Variants in MCPH1 observed in about 807,000 individuals in gnomAD.
MCPH1 encodes microcephalin 1, also known as microcephalin.
In MCPH1, 104 loss-of-function variants were observed where a neutral mutation model predicts 84.5. That is an observed-to-expected ratio of 1.23 (90% CI 1.05 to 1.45). The LOEUF (loss-of-function observed/expected upper bound fraction) is 1.45. Among genes scored for constraint, MCPH1 ranks in the 40% most tolerant of loss-of-function variants. The probability of loss-of-function intolerance (pLI) is 0.00; values close to 1 mark genes in which losing one functional copy is unlikely to be tolerated. For synonymous variants in MCPH1, 514 were observed against 366.8 expected, an observed-to-expected ratio of 1.40 and a Z score of -4.58; for missense variants, 1,498 against 1,005.7, an observed-to-expected ratio of 1.49 and a Z score of -6.62.
chr8:6,579,071 T>G (rs559294920), intron 12 of MCPH1, among the ~76,000 whole-genome samples: 1 of 152,176 alleles, frequency 6.6e-6, no homozygotes, highest in Non-Finnish European at 1.5e-5. Flanking sequence ...TTCCCGATAT[T>G]GAGAACTGCA....
rs146365596 is a variant in MCPH1, at chr8:6,428,999, C to T, written c.234-2500C>T. ...CTTTCTGATAGGGAAGTGAGAATTT[C>T]GTTTTTAATCCGCCCCTCTGAGTGC... On this transcript the variant is annotated intron_variant, in intron 3 of 13. Coordinates refer to ENST00000344683, the MANE Select transcript of MCPH1 (RefSeq NM_024596.5). Among the ~76,000 whole-genome samples the T allele has an allele frequency of 6.4e-4, 97 of 152,282 alleles. 6 individuals are homozygous for T. The South Asian group carries it at 0.019, about 29-fold the overall frequency.
intron 6 of MCPH1, among the ~76,000 whole-genome samples, chr8:6,441,470 A>G (rs1803502119): frequency 6.6e-6 from 1 of 152,206 alleles, no homozygotes; most frequent in South Asian, 2.1e-4. Flanking sequence ...TATAAGATCC[A>G]AACATTTCTT....
chr8:6,609,427 C>T (rs184904515), intron 12 of MCPH1, among the ~76,000 whole-genome samples: 2 of 152,290 alleles, frequency 1.3e-5, no homozygotes, highest in African/African-American at 4.8e-5. Flanking sequence ...ATTCCCAAGA[C>T]GATTATGTTC....
chr8:6,480,851 G>C lies in MCPH1; in HGVS notation c.2111G>C (p.Gly704Ala). 1 of 1,614,154 alleles carries C rather than the reference G, an allele frequency of 6.2e-7. No individual in the cohort carries two copies. Among genetic ancestry groups the C allele is most frequent in the Non-Finnish European group, 8.5e-7 (1 of 1,180,044 alleles). ...AATGTGCTGCTGGGAATTGCGCGTGGCTGCTGGGTTCTCTCTTATGATTGG... is the reference window on the plus strand; with the variant it reads ...AATGTGCTGCTGGGAATTGCGCGTGCCTGCTGGGTTCTCTCTTATGATTGG... The part of the protein sequence containing the change: ...TLNVLLGIAR[G>A]CWVLSYDWVL... The change falls in exon 11 of 14, where the codon GGC (glycine) becomes GCC (alanine). Residue 704 changes from glycine to alanine, a missense_variant. By Grantham distance (60) the Gly-to-Ala change is moderately conservative. Coordinates refer to ENST00000344683, the MANE Select transcript of MCPH1 (RefSeq NM_024596.5).
Position 6,440,948 on chromosome 8 carries a change from C to G in MCPH1, c.581-1119C>G, listed in dbSNP as rs1585781686. Among the ~76,000 whole-genome samples, 8 of 152,312 alleles carry G rather than the reference C, an allele frequency of 5.3e-5. No homozygotes were observed. In the East Asian group the frequency reaches 1.5e-3, roughly 29 times the overall value. ...GCCATTCCATGGTGTCTTTAAGAAA[C>G]TAGGTTCCCATCTTTCTGTTGTACC... On this transcript the variant is annotated intron_variant, in intron 6 of 13. Transcript: ENST00000344683.
chr8:6,572,174 G>A (rs558677999), intron 12 of MCPH1, among the ~76,000 whole-genome samples: 28 of 64,276 alleles, frequency 4.4e-4, no homozygotes, highest in Non-Finnish European at 8.1e-4. Flanking sequence ...TCTTGACATC[G>A]GTTTCCCTCA....
chr8:6,621,302 G>T, intron 12 of MCPH1, 152 bp from the exon 13 acceptor site: 1 of 962,416 alleles, frequency 1.0e-6, no homozygotes. Context: ...CATCTTCTCT[G>T]GATTCTCAGA....
intron 12 of MCPH1, among the ~76,000 whole-genome samples, chr8:6,615,358 T>C (rs1280283020): frequency 3.3e-5 from 5 of 152,222 alleles, no homozygotes; most frequent in Non-Finnish European, 4.4e-5. Context: ...GCAAAGACCA[T>C]GTCCCTGCAT....
intron 12 of MCPH1, among the ~76,000 whole-genome samples, chr8:6,534,246 T>C (rs2922881): frequency 0.7 from 105,966 of 151,986 alleles, 37,110 homozygotes; most frequent in Non-Finnish European, 0.72. Context: ...ACAAAAATTG[T>C]AAAACAATAC....
At chr8:6,620,295 C>G (rs577365564) in intron 12 of MCPH1, 21 of 152,290 alleles carry the variant, frequency 1.4e-4, no homozygotes, top group African/African-American at 5.1e-4. Context: ...CGGATCTACT[C>G]CATTGATGCT....
chr8:6,614,874 C>G (rs1388206171), intron 12 of MCPH1, among the ~76,000 whole-genome samples: 4 of 152,118 alleles, frequency 2.6e-5, no homozygotes, highest in Non-Finnish European at 5.9e-5. Flanking sequence ...CCTCCCTTCC[C>G]CAACCCCATA....
At chr8:6,535,388 C>T (rs564901043) in intron 12 of MCPH1, among the ~76,000 whole-genome samples, 1 of 152,078 alleles carries the variant, frequency 6.6e-6, no homozygotes, top group African/African-American at 2.4e-5. Flanking sequence ...AATAAAATTT[C>T]TTAACCTGCC....
At chr8:6,575,627 T>G (rs1371469910) in intron 12 of MCPH1, among the ~76,000 whole-genome samples, 1 of 152,238 alleles carries the variant, frequency 6.6e-6, no homozygotes, top group African/African-American at 2.4e-5. Context: ...AAAATTCATG[T>G]TGAAGTCCTA....
chr8:6,542,004 T>C (rs1278825856), intron 12 of MCPH1, among the ~76,000 whole-genome samples: 1 of 126,524 alleles, frequency 7.9e-6, no homozygotes, highest in East Asian at 2.3e-4. Flanking sequence ...TGAGACTCAA[T>C]CTCAAAAAAA....
chr8:6,500,374 T>G (rs1811917996), intron 12 of MCPH1: 1 of 160,574 alleles, frequency 6.2e-6, no homozygotes, highest in South Asian at 1.8e-4. Context: ...ATTGAAAAGT[T>G]CTGGGTTCTA....
chr8:6,473,320 C>CTTTTTTT (rs56077837), intron 9 of MCPH1, among the ~76,000 whole-genome samples: 3 of 76,396 alleles, frequency 3.9e-5, no homozygotes, highest in Admixed American at 2.3e-4. Flanking sequence ...TCTCTCAATC[C>CTTTTTTT]TTTTTTTTTT....
At chr8:6,552,510 T>C (rs1291610264) in intron 12 of MCPH1, among the ~76,000 whole-genome samples, 1 of 152,246 alleles carries the variant, frequency 6.6e-6, no homozygotes, top group African/African-American at 2.4e-5. Flanking sequence ...TTAGAACATT[T>C]AACCCGATTA....
At chr8:6,492,747 ATTAT>A (rs1481141533) in intron 11 of MCPH1, among the ~76,000 whole-genome samples, 4 of 148,890 alleles carry the variant, frequency 2.7e-5, no homozygotes, top group South Asian at 4.2e-4. Flanking sequence ...ATTAATAATA[ATTAT>A]TTAATATTAT....
chr8:6,623,930 A>C (rs1831775897), intron 13 of MCPH1, among the ~76,000 whole-genome samples: 1 of 152,184 alleles, frequency 6.6e-6, no homozygotes, highest in Admixed American at 6.5e-5. Context: ...CACACGATTG[A>C]TATCCACAGT....
Sources: gnomAD v4.1 joint callset for allele counts (sites outside exome capture counted in the v4.1 genomes callset) on GRCh38, gnomAD v4.1.1 for gene constraint, MANE v1.5 for transcripts, NCBI Gene and HGNC (gene_info 2026-07-23, HGNC 2026-07-21) for gene names.